PRKCE: variants seen among roughly 807,000 people sequenced by gnomAD.
PRKCE encodes protein kinase C epsilon type.
In PRKCE, 16 loss-of-function variants were observed where a neutral mutation model predicts 85.4. That is an observed-to-expected ratio of 0.19 (90% CI 0.13 to 0.28). PRKCE has a LOEUF of 0.28. PRKCE is among the 10% of genes least tolerant of loss of function. The probability of loss-of-function intolerance (pLI) is 1.00; values close to 1 mark genes in which losing one functional copy is unlikely to be tolerated. For synonymous variants in PRKCE, 388 were observed against 371.5 expected, an observed-to-expected ratio of 1.04 and a Z score of -0.51; for missense variants, 573 against 975.2, an observed-to-expected ratio of 0.59 and a Z score of 5.49.
At chr2:46,072,559 G>T (rs533950063) in intron 10 of PRKCE, among the ~76,000 whole-genome samples, 1 of 152,148 alleles carries the variant, frequency 6.6e-6, no homozygotes, top group African/African-American at 2.4e-5. Context: ...AAACACGGTC[G>T]GGACCTTCAG....
rs143301938 is a variant in PRKCE, at chr2:45,724,883, A to C, written c.348+72435A>C. Among the ~76,000 whole-genome samples, 1,174 of 152,382 alleles carry C rather than the reference A, an allele frequency of 7.7e-3. 18 individuals carry two copies. Among genetic ancestry groups the C allele is most frequent in the African/African-American group, 0.027 (1,109 of 41,596 alleles). On this transcript the variant is annotated intron_variant, in intron 1 of 14. Transcript: ENST00000306156. ...TAAGGAAAGAAGCCATCTCCATAAC[A>C]TAAAAGTGCAAGGTGAAGCAGCAAG...
chr2:45,930,934 A>G (rs1198407273), intron 2 of PRKCE, among the ~76,000 whole-genome samples: 2 of 152,174 alleles, frequency 1.3e-5, no homozygotes, highest in Non-Finnish European at 2.9e-5. Flanking sequence ...GTTTAGGAGA[A>G]GGCAACTTAC....
At chr2:45,722,039 G>A (rs1680669616) in intron 1 of PRKCE, among the ~76,000 whole-genome samples, 1 of 151,450 alleles carries the variant, frequency 6.6e-6, no homozygotes, top group Admixed American at 6.6e-5. Context: ...TTTATTTGGG[G>A]TACACCTATC....
intron 1 of PRKCE, among the ~76,000 whole-genome samples, chr2:45,822,378 A>G (rs536632772): frequency 2.0e-5 from 3 of 152,364 alleles, no homozygotes; most frequent in East Asian, 3.9e-4. Flanking sequence ...AGCAGCCCAC[A>G]TTGTGTACCC....
chr2:45,970,533 A>T (rs2104489800), intron 2 of PRKCE, among the ~76,000 whole-genome samples: 1 of 152,256 alleles, frequency 6.6e-6, no homozygotes, highest in East Asian at 1.9e-4. Flanking sequence ...ATTAAAAAAG[A>T]TACATTTATG....
intron 1 of PRKCE, among the ~76,000 whole-genome samples, chr2:45,731,943 A>G (rs1681615285): frequency 6.6e-6 from 1 of 152,116 alleles, no homozygotes; most frequent in Non-Finnish European, 1.5e-5. Context: ...CTGCCATGTG[A>G]TTCAAATTAG....
At chr2:45,705,434 G>C (rs1188045342) in intron 1 of PRKCE, among the ~76,000 whole-genome samples, 3 of 152,198 alleles carry the variant, frequency 2.0e-5, no homozygotes, top group African/African-American at 7.2e-5. Flanking sequence ...CTGCCAGTTG[G>C]GGGTATATGT....
chr2:45,810,408 G>T (rs576139383), intron 1 of PRKCE, among the ~76,000 whole-genome samples: 1 of 152,290 alleles, frequency 6.6e-6, no homozygotes, highest in African/African-American at 2.4e-5. Flanking sequence ...ACATGGCAAA[G>T]ATTTTATTTA....
Position 45,832,792 on chromosome 2 carries a change from A to G in PRKCE, c.349-10208A>G, listed in dbSNP as rs117562252. Among the ~76,000 whole-genome samples, 427 of 152,280 alleles carry G rather than the reference A, an allele frequency of 2.8e-3. 2 individuals carry two copies. The highest frequency in any genetic ancestry group is 0.02 in the East Asian group (104 of 5,188). On this transcript the variant is annotated intron_variant, in intron 1 of 14. Transcript: ENST00000306156. Reference sequence around the variant, plus strand: ...GCTTTAACGCACACTCCTCTTCTGCAAATTGTGAGGATGCGCGCAAGTTAT... The same window carrying G: ...GCTTTAACGCACACTCCTCTTCTGCGAATTGTGAGGATGCGCGCAAGTTAT...
intron 11 of PRKCE, among the ~76,000 whole-genome samples, chr2:46,120,985 A>C: frequency 6.6e-6 from 1 of 152,196 alleles, no homozygotes; most frequent in Middle Eastern, 3.2e-3. Flanking sequence ...CATGATCAGG[A>C]AGATGATTTT....
rs1574699156 is a variant in PRKCE, at chr2:46,184,592, C to T, written c.2068-143C>T. ...CTGGGGCCATCCATCGTTACCTCAT[C>T]GGGACAGCCCCGTGTCTGCTGTCTG... is the stretch of plus-strand genomic sequence containing the variant. On this transcript the variant is annotated intron_variant, in intron 14 of 14. Transcript: ENST00000306156. The surrounding 1 kb of genome is among the most constrained non-coding windows in gnomAD (Gnocchi z 5.0). The T allele has an allele frequency of 8.6e-6, 9 of 1,043,846 alleles. No individual in the cohort carries two copies. Among genetic ancestry groups the T allele is most frequent in the African/African-American group, 3.2e-5 (2 of 62,742 alleles). 64.7% of individuals were successfully genotyped at this position (1,043,846 alleles called of 1,614,324 possible).
chr2:45,737,708 C>G lies in PRKCE; in HGVS notation c.348+85260C>G, dbSNP rs951958803. Among the ~76,000 whole-genome samples, 20 of 152,058 alleles carry G rather than the reference C, an allele frequency of 1.3e-4. 1 individual carries two copies. The highest frequency in any genetic ancestry group is 1.2e-3 in the Admixed American group (18 of 15,270). ...CCAATCACATGCTCTCTGCATGTCC[C>G]CTTGCCCTCAGGTGTGCTCTCCTTG... On this transcript the variant is annotated intron_variant, in intron 1 of 14. Transcript: ENST00000306156.
At chr2:46,075,929 C>T (rs929817648) in intron 10 of PRKCE, among the ~76,000 whole-genome samples, 28 of 152,110 alleles carry the variant, frequency 1.8e-4, no homozygotes, top group African/African-American at 6.8e-4. Flanking sequence ...AGGTGAACAG[C>T]CAGGGACAGA....
chr2:45,842,403 G>T (rs1308868911), intron 1 of PRKCE, among the ~76,000 whole-genome samples: 1 of 152,138 alleles, frequency 6.6e-6, no homozygotes, highest in Non-Finnish European at 1.5e-5. Context: ...TCCACAATGA[G>T]ATGATAAACG....
chr2:45,944,379 A>G (rs1700089843), intron 2 of PRKCE, among the ~76,000 whole-genome samples: 1 of 152,242 alleles, frequency 6.6e-6, no homozygotes, highest in Middle Eastern at 3.2e-3. Context: ...TCTAAGGCAC[A>G]GCTCAGACTG....
Position 46,004,811 on chromosome 2 carries a change from C to T in PRKCE, c.1063+173C>T, listed in dbSNP as rs539970399. On this transcript the variant is annotated intron_variant, in intron 8 of 14. Transcript: ENST00000306156. This position sits in a 1 kb window ranked among gnomAD's most constrained non-coding sequence, Gnocchi z 4.1. ...TTAACAGTTCTTTCATTCTCCAAGA[C>T]CTTCTTGAGGGCTGGGCACTCCATG... 1.3e-5 allele frequency among the ~76,000 whole-genome samples: 2 copies of T among 152,166 alleles called. No individual in the cohort carries two copies. Among genetic ancestry groups the T allele is most frequent in the African/African-American group, 2.4e-5 (1 of 41,436 alleles).
At position 46,159,070 on chromosome 2, in the gene PRKCE, G is replaced by C. The variant is rs1677495923; in HGVS notation, c.1921-536G>C. Among the ~76,000 whole-genome samples the C allele has an allele frequency of 6.6e-6, 1 of 152,200 alleles. No homozygotes were observed. Among genetic ancestry groups the C allele is most frequent in the African/African-American group, 2.4e-5 (1 of 41,444 alleles). On this transcript the variant is annotated intron_variant, in intron 13 of 14. Coordinates refer to ENST00000306156, the MANE Select transcript of PRKCE (RefSeq NM_005400.3). The surrounding 1 kb of genome is among the most constrained non-coding windows in gnomAD (Gnocchi z 4.1). ...TTCAAACATAAAAACAGTGGAGAGG[G>C]GCTGGGTCCAGGAACAGGAAAGGAG... is the stretch of plus-strand genomic sequence containing the variant.
chr2:45,963,442 G>A (rs1368183405), intron 2 of PRKCE, among the ~76,000 whole-genome samples: 1 of 152,112 alleles, frequency 6.6e-6, no homozygotes, highest in Non-Finnish European at 1.5e-5. Flanking sequence ...CCGAGTAGCT[G>A]GGATTACAGG....
chr2:46,116,648 A>G (rs1028620260), intron 11 of PRKCE, among the ~76,000 whole-genome samples: 1 of 152,058 alleles, frequency 6.6e-6, no homozygotes, highest in South Asian at 2.1e-4. Context: ...AGCCAAGTTC[A>G]TGGTTTATAC....
Sources: gnomAD v4.1 joint callset for allele counts (sites outside exome capture counted in the v4.1 genomes callset) on GRCh38, gnomAD v4.1.1 for gene constraint, Gnocchi (gnomAD v3.1) non-coding constraint, MANE v1.5 for transcripts, NCBI Gene and HGNC (gene_info 2026-07-23, HGNC 2026-07-21) for gene names.